UMODL1: variants seen among roughly 807,000 people sequenced by gnomAD.
UMODL1 encodes the protein uromodulin-like 1.
UMODL1 carries 128 observed loss-of-function variants against 136.3 expected under a neutral mutation model. That is an observed-to-expected ratio of 0.94 (90% CI 0.81 to 1.09). The LOEUF is 1.09. Ranked by LOEUF, UMODL1 falls within the 50% of genes least tolerant of loss-of-function variation. The pLI is 0.00. For synonymous variants in UMODL1, 721 were observed against 720.0 expected (o/e 1.00, Z -0.02); for missense variants, 1,766 against 1,725.6 (o/e 1.02, Z -0.41).
chr21:42,064,700 C>T (rs781346513), intron 1 of UMODL1, among the ~76,000 whole-genome samples: 5 of 152,100 alleles, frequency 3.3e-5, no homozygotes, highest in African/African-American at 9.7e-5. Context: ...GGACTGCAGG[C>T]GCCCAACACC....
intron 21 of UMODL1, among the ~76,000 whole-genome samples, chr21:42,130,667 A>T (rs998086598): frequency 6.6e-6 from 1 of 152,106 alleles, no homozygotes; most frequent in Non-Finnish European, 1.5e-5. Flanking sequence ...CAACTTTTAG[A>T]GGTGCACCCT....
upstream of UMODL1, chr21:42,071,297 A>G (rs2066228512): frequency 1.9e-6 from 3 of 1,551,474 alleles, no homozygotes; most frequent in African/African-American, 1.4e-5. Flanking sequence ...AGAGCCCTGT[A>G]CTGCCACCAC....
chr21:42,099,200 A>G lies in UMODL1; in HGVS notation c.1186+20A>G. On this transcript the variant is annotated intron_variant, in intron 7 of 22. Transcript: ENST00000408910. This position sits in a 1 kb window ranked among gnomAD's most constrained non-coding sequence, Gnocchi z 4.1. ...AAACCAGTAAGGCCCCCAGTCAGAG[A>G]CCCACGTTAGCTTGCGAGCTTGTCT... The G allele has an allele frequency of 6.2e-7, 1 of 1,605,270 alleles. No individual in the cohort carries two copies. The highest frequency in any genetic ancestry group is 1.7e-5 in the Admixed American group (1 of 59,726).
upstream of UMODL1, among the ~76,000 whole-genome samples, chr21:42,066,553 C>A (rs1332521569): frequency 1.3e-5 from 2 of 152,166 alleles, no homozygotes; most frequent in African/African-American, 4.8e-5. Flanking sequence ...CCCAAACTGT[C>A]TCCTGGCCTC....
intron 22 of UMODL1, 90 bp downstream of exon 22, chr21:42,137,731 C>T (rs1268546343): frequency 2.5e-4 from 68 of 276,974 alleles, no homozygotes; most frequent in South Asian, 1.4e-3. Flanking sequence ...AGGGTGGGTG[C>T]GGAGTGGGGT....
Position 42,084,183 on chromosome 21 carries a change from C to T in UMODL1, c.419C>T (p.Pro140Leu). ...TSPCSLDIDC[P>L]GLEKCCPWSG... ...CCCTGCAGCTTGGACATCGACTGTC[C>T]TGGACTTGAGAAGTGCTGCCCCTGG... The change falls in exon 3 of 23, where the codon CCT (proline) becomes CTT (leucine). Residue 140 changes from proline to leucine, a missense_variant. Physicochemically the swap from Pro to Leu is moderately conservative, Grantham distance 98. Coordinates refer to ENST00000408910, the MANE Select transcript of UMODL1 (RefSeq NM_001004416.3). The T allele has an allele frequency of 6.2e-7, 1 of 1,614,062 alleles. No homozygotes were observed.
chr21:42,118,815 G>T (rs1471219292), intron 14 of UMODL1, among the ~76,000 whole-genome samples: 1 of 152,178 alleles, frequency 6.6e-6, no homozygotes, highest in Non-Finnish European at 1.5e-5. Flanking sequence ...CCATGAGGTA[G>T]GGTCTCTGCC....
At chr21:42,066,395 G>A (rs1044294343), upstream of UMODL1, among the ~76,000 whole-genome samples, 14 of 152,330 alleles carry the variant, frequency 9.2e-5, no homozygotes, top group Non-Finnish European at 1.9e-4. Flanking sequence ...CAATTCTCCT[G>A]CCTCAGCCTT....
At chr21:42,107,893 C>T (rs1285705353) in intron 9 of UMODL1, among the ~76,000 whole-genome samples, 2 of 152,202 alleles carry the variant, frequency 1.3e-5, no homozygotes, top group South Asian at 2.1e-4. Flanking sequence ...AGGGCTCAGC[C>T]CTTGTCCCAG....
chr21:42,091,139 G>A (rs983449175), intron 6 of UMODL1, among the ~76,000 whole-genome samples: 2 of 152,210 alleles, frequency 1.3e-5, no homozygotes, highest in African/African-American at 4.8e-5. Context: ...TTTGGCTTAG[G>A]AAATGTTGAT....
Position 42,123,229 on chromosome 21 carries a change from G to A in UMODL1, c.3147+79G>A. The A allele has an allele frequency of 6.7e-7, 1 of 1,485,430 alleles. No individual in the cohort carries two copies. The highest frequency in any genetic ancestry group is 9.1e-7 in the Non-Finnish European group (1 of 1,103,982). 92.0% of individuals were successfully genotyped at this position (1,485,430 alleles called of 1,614,324 possible). A position where few individuals can be genotyped will look rare whatever the true frequency, so the allele number is the denominator to read the frequency against. ...GGTTACATGGGCCTCGATGTGGGAG[G>A]GCCAGGCAAGACTCTGCACCCCGAG... On this transcript the variant is annotated intron_variant, in intron 17 of 22. Transcript: ENST00000408910. This position sits in a 1 kb window ranked among gnomAD's most constrained non-coding sequence, Gnocchi z 4.4.
chr21:42,068,317 G>A (rs1400896776), upstream of UMODL1, among the ~76,000 whole-genome samples: 2 of 152,216 alleles, frequency 1.3e-5, no homozygotes, highest in Non-Finnish European at 2.9e-5. This position sits in a 1 kb window ranked among gnomAD's most constrained non-coding sequence, Gnocchi z 5.5. Context: ...GAGTGAGAGA[G>A]GGGTGAGGCT....
chr21:42,127,340 G>T lies in UMODL1; in HGVS notation c.3530+98G>T, dbSNP rs369130376. ...AATGCAGACATCCCCATCCAGCAAT[G>T]CCCAGGGCTTCATTAACAATAGGTA... On this transcript the variant is annotated intron_variant, in intron 19 of 22. Transcript: ENST00000408910. 4.8e-5 allele frequency: 55 copies of T among 1,142,198 alleles called. No homozygotes were observed. In the African/African-American group the frequency reaches 7.4e-4, roughly 15 times the overall value. 70.8% of individuals were successfully genotyped at this position (1,142,198 alleles called of 1,614,324 possible). A position where few individuals can be genotyped will look rare whatever the true frequency, so the allele number is the denominator to read the frequency against.
intron 21 of UMODL1, among the ~76,000 whole-genome samples, chr21:42,135,831 C>T (rs2067198632): frequency 6.6e-6 from 1 of 152,186 alleles, no homozygotes. Context: ...AGGGATCCGA[C>T]AGTGCCATTG....
In UMODL1 at chr21:42,085,190, A is replaced by G; in HGVS notation, c.482-101A>G. 1 of 1,466,938 alleles carries G rather than the reference A, an allele frequency of 6.8e-7. No individual in the cohort carries two copies. The highest frequency in any genetic ancestry group is 2.0e-5 in the Admixed American group (1 of 49,642). The allele number at this position is 1,466,938 out of a possible 1,614,324, so 90.9% of individuals were successfully genotyped here. A position where few individuals can be genotyped will look rare whatever the true frequency, so the allele number is the denominator to read the frequency against. On this transcript the variant is annotated intron_variant, in intron 3 of 22. Coordinates refer to ENST00000408910, the MANE Select transcript of UMODL1 (RefSeq NM_001004416.3). This position sits in a 1 kb window ranked among gnomAD's most constrained non-coding sequence, Gnocchi z 4.5. ...AGGTAAATGCAGAGCAGGGCCTCTC[A>G]TGGCCTCTGGTTCCCTCTCCTGCCC...
At position 42,137,449 on chromosome 21, in the gene UMODL1, T is replaced by A. The variant is rs3819141; in HGVS notation, c.3786T>A (p.Pro1262=). Residue 1262 remains proline (P), a synonymous_variant, in exon 22 of 23, where the codon CCT becomes CCA. Transcript: ENST00000408910. ...GPLIRSEGEP[P]HAEAGLGAGY... is the part of the protein sequence containing the mutation. ...TGTCTCCTCCCCGAGGTGAGCCTCC[T>A]CATGCAGAAGCAGGCCTGGGTGCCG... 593,154 of 1,613,920 alleles carry A rather than the reference T, an allele frequency of 0.37. 110,668 individuals are homozygous for A. The highest frequency in any genetic ancestry group is 0.43 in the South Asian group (39,109 of 91,078).
At chr21:42,102,137 A>T (rs772438673) in intron 7 of UMODL1, 29 bp from the exon 8 acceptor site, 1 of 1,545,776 alleles carries the variant, frequency 6.5e-7, no homozygotes, top group Non-Finnish European at 8.9e-7. Flanking sequence ...TTTTGACCAC[A>T]GGCTAATTTG....
chr21:42,123,872 A>T lies in UMODL1; in HGVS notation c.3147+722A>T, dbSNP rs1252331075. On this transcript the variant is annotated intron_variant, in intron 17 of 22. Transcript: ENST00000408910. This position sits in a 1 kb window ranked among gnomAD's most constrained non-coding sequence, Gnocchi z 4.4. The stretch of plus-strand genomic sequence containing the variant: ...TGTCGGAGGGACTGTGTTCCTAGCG[A>T]ACATTCTCTATTTCAGGGTCCTGGA... 6.6e-6 allele frequency among the ~76,000 whole-genome samples: 1 copy of T among 152,176 alleles called. No homozygotes were observed. The highest frequency in any genetic ancestry group is 1.5e-5 in the Non-Finnish European group (1 of 68,032).
rs780967978 is a variant in UMODL1, at chr21:42,111,693, T to C, written c.2087T>C (p.Leu696Pro). 2 of 1,612,148 alleles carry C rather than the reference T, an allele frequency of 1.2e-6. No individual in the cohort carries two copies. The highest frequency in any genetic ancestry group is 1.7e-6 in the Non-Finnish European group (2 of 1,178,858). The change falls in exon 12 of 23, where the codon CTG (leucine) becomes CCG (proline). Residue 696 changes from leucine (L) to proline (P), a missense_variant. Coordinates refer to ENST00000408910, the MANE Select transcript of UMODL1 (RefSeq NM_001004416.3). Reference protein sequence around the residue: ...DLPLTSTLTALKTPACVPVSI... With the variant: ...DLPLTSTLTAPKTPACVPVSI... ...CCATTGACCTCCACCCTCACAGCTC[T>C]GAAGACCCCCGCCTGTGGTGAGTTC...
Sources: allele counts gnomAD v4.1 joint callset (sites outside exome capture counted in the v4.1 genomes callset), GRCh38; gene constraint gnomAD v4.1.1; non-coding constraint Gnocchi (gnomAD v3.1); transcripts MANE v1.5; gene names NCBI Gene and HGNC (gene_info 2026-07-23, HGNC 2026-07-21).